CHN2: variants seen among roughly 807,000 people sequenced by gnomAD.
CHN2 encodes chimerin 2, also known as beta-chimaerin.
A neutral mutation model predicts 56.3 loss-of-function variants in CHN2; 35 were observed. The observed-to-expected ratio is 0.62, with a 90% CI of 0.47 to 0.82. The LOEUF (loss-of-function observed/expected upper bound fraction) is 0.82. CHN2 is among the 40% of genes least tolerant of loss of function. The pLI, the probability that CHN2 is intolerant of heterozygous loss-of-function variation, is 0.00. For missense variants in CHN2, 491 were observed against 580.5 expected, an observed-to-expected ratio of 0.85 and a Z score of 1.58; for synonymous variants, 210 against 212.8, an observed-to-expected ratio of 0.99 and a Z score of 0.12.
At chr7:29,261,869 C>G (rs1271212475) in intron 1 of CHN2, among the ~76,000 whole-genome samples, 1 of 152,144 alleles carries the variant, frequency 6.6e-6, no homozygotes, top group Non-Finnish European at 1.5e-5. Context: ...TTTTAAAGAG[C>G]AATAAAGTAA....
chr7:29,188,058 A>G (rs1347620124), intron 2 of CHN2, among the ~76,000 whole-genome samples: 2 of 151,622 alleles, frequency 1.3e-5, no homozygotes, highest in Non-Finnish European at 2.9e-5. Context: ...GTGATGTAAC[A>G]GGGGGGTGGT....
chr7:29,443,234 C>T (rs1047938195), intron 6 of CHN2, among the ~76,000 whole-genome samples: 7 of 152,166 alleles, frequency 4.6e-5, no homozygotes, highest in African/African-American at 1.7e-4. Flanking sequence ...GCCACTGTGC[C>T]CGGCCCAATT....
chr7:29,298,617 A>G (rs1793386814), intron 1 of CHN2, among the ~76,000 whole-genome samples: 1 of 152,160 alleles, frequency 6.6e-6, no homozygotes, highest in South Asian at 2.1e-4. Context: ...TGGGCATCCT[A>G]TTTATCCCCA....
At chr7:29,336,193 A>G (rs1796604381) in intron 1 of CHN2, 1 of 152,128 alleles carries the variant, frequency 6.6e-6, no homozygotes, top group African/African-American at 2.4e-5. Context: ...GCAAGCCTGA[A>G]ATCTGTCAGC....
intron 6 of CHN2, chr7:29,401,352 A>C (rs1802192751): frequency 6.5e-6 from 1 of 153,284 alleles, no homozygotes; most frequent in Non-Finnish European, 1.5e-5. Flanking sequence ...AAATTCATAC[A>C]GTCAGACCCA....
At chr7:29,494,448 C>G (rs561973835) in intron 7 of CHN2, among the ~76,000 whole-genome samples, 1 of 152,254 alleles carries the variant, frequency 6.6e-6, no homozygotes, top group East Asian at 1.9e-4. Flanking sequence ...GGATACTTTA[C>G]TGAGGAACTC....
rs559585112 is a variant in CHN2 at position 29,264,234 on chromosome 7, T to TG, written c.49+69250dup. Among the ~76,000 whole-genome samples the TG allele has an allele frequency of 6.1e-5, 9 of 147,756 alleles. No homozygotes were observed. The East Asian group carries it at 1.6e-3, about 27-fold the overall frequency. On this transcript the variant is annotated intron_variant, in intron 1 of 12. Transcript: ENST00000222792. ...CCCGGCCACCACCCCGTCTGGGAGG[T>TG]GGGGGGCCCCTCTGCCCAGCAGCCC...
intron 3 of CHN2, among the ~76,000 whole-genome samples, chr7:29,370,678 G>C (rs555470424): frequency 1.3e-5 from 2 of 152,100 alleles, no homozygotes; most frequent in Non-Finnish European, 2.9e-5. Context: ...CCAGTTCAAC[G>C]TGATAAATAC....
At chr7:29,293,852 TG>T (rs1792882003) in intron 1 of CHN2, among the ~76,000 whole-genome samples, 3 of 142,468 alleles carry the variant, frequency 2.1e-5, no homozygotes, top group Non-Finnish European at 4.5e-5. Flanking sequence ...TCCACGAGGC[TG>T]GGAATTTTTT....
chr7:29,257,648 G>A (rs60770653), intron 1 of CHN2, among the ~76,000 whole-genome samples: 1,574 of 152,296 alleles, frequency 0.01, 32 homozygotes, highest in African/African-American at 0.036. Context: ...TTAGACAAAT[G>A]ACCCTGCTCT....
chr7:29,334,049 C>CTTTTTTTTT (rs70980529), intron 1 of CHN2, among the ~76,000 whole-genome samples: 2 of 123,138 alleles, frequency 1.6e-5, no homozygotes, highest in African/African-American at 3.2e-5. Flanking sequence ...AATTTCTTTT[C>CTTTTTTTTT]TTTTTTTTTT....
intron 2 of CHN2, among the ~76,000 whole-genome samples, chr7:29,183,525 T>C (rs1798330605): frequency 6.6e-6 from 1 of 151,618 alleles, no homozygotes; most frequent in South Asian, 2.1e-4. Flanking sequence ...TACAAGTGTG[T>C]GCCACCACAC....
intron 1 of CHN2, among the ~76,000 whole-genome samples, chr7:29,267,604 G>T (rs1414727684): frequency 6.6e-6 from 1 of 152,174 alleles, no homozygotes; most frequent in African/African-American, 2.4e-5. Context: ...TTTCCACAGA[G>T]AAGAGTTTGA....
At chr7:29,362,171 G>A (rs1436364565) in intron 2 of CHN2, among the ~76,000 whole-genome samples, 2 of 152,142 alleles carry the variant, frequency 1.3e-5, no homozygotes, top group Non-Finnish European at 2.9e-5. Flanking sequence ...CTCCTCATGG[G>A]ACCTCTCCAC....
intron 6 of CHN2, among the ~76,000 whole-genome samples, chr7:29,449,976 G>A (rs577123871): frequency 6.6e-6 from 1 of 152,300 alleles, no homozygotes; most frequent in Admixed American, 6.5e-5. Flanking sequence ...TTTGTGGTTA[G>A]TCAGTATTTC....
chr7:29,195,625 AGAGAGTGT>A (rs1273452936), intron 1 of CHN2, among the ~76,000 whole-genome samples: 157 of 116,112 alleles, frequency 1.4e-3, no homozygotes, highest in East Asian at 4.5e-3. Flanking sequence ...AGAGAGAGAG[AGAGAGTGT>A]GTGTGTGTGT....
chr7:29,325,595 A>G (rs990278944), intron 1 of CHN2, among the ~76,000 whole-genome samples: 2 of 152,190 alleles, frequency 1.3e-5, no homozygotes, highest in Middle Eastern at 3.2e-3. Flanking sequence ...AAATGGGAGT[A>G]CCTCTGAGAA....
rs10667833 is a variant in CHN2, at chr7:29,329,376, CA to C, written c.50-25223del. Among the ~76,000 whole-genome samples the C allele has an allele frequency of 2.9e-3, 108 of 37,246 alleles. 1 individual carries two copies. In the South Asian group the frequency reaches 0.045, roughly 16 times the overall value. 24.4% of individuals were successfully genotyped at this position (37,246 alleles called of 152,430 possible). On this transcript the variant is annotated intron_variant, in intron 1 of 12. Transcript: ENST00000222792. ...ACTAGCTTTAAACCTTCAGATAAGG[CA>C]AAAAAAAAAAAAAAAAAAAAAAAAA...
At chr7:29,330,697 G>A (rs1287241711) in intron 1 of CHN2, among the ~76,000 whole-genome samples, 1 of 152,198 alleles carries the variant, frequency 6.6e-6, no homozygotes, top group African/African-American at 2.4e-5. Context: ...TGAAGAAAAG[G>A]AAAACAACCC....
Sources: allele counts gnomAD v4.1 joint callset (sites outside exome capture counted in the v4.1 genomes callset), GRCh38; gene constraint gnomAD v4.1.1; transcripts MANE v1.5; gene names NCBI Gene and HGNC (gene_info 2026-07-23, HGNC 2026-07-21).